The following IQGAP2 variants were observed in gnomAD, a reference collection of about 807,000 sequenced individuals.
IQGAP2 encodes ras GTPase-activating-like protein IQGAP2.
IQGAP2 carries 173 observed loss-of-function variants against 201.3 expected under a neutral mutation model. The observed-to-expected ratio is 0.86, with a 90% CI of 0.76 to 0.98. The LOEUF (loss-of-function observed/expected upper bound fraction) is 0.98, where lower values mean the gene tolerates loss of function less well. Among genes scored for constraint, IQGAP2 ranks in the 50% least tolerant of loss-of-function variants. The pLI, the probability that IQGAP2 is intolerant of heterozygous loss-of-function variation, is 0.00. For missense variants in IQGAP2, 1,687 were observed against 1,864.8 expected, an observed-to-expected ratio of 0.90 and a Z score of 1.76; for synonymous variants, 675 against 673.9, an observed-to-expected ratio of 1.00 and a Z score of -0.03.
At chr5:76,446,124 A>C (rs890886004) in intron 1 of IQGAP2, among the ~76,000 whole-genome samples, 2 of 152,048 alleles carry the variant, frequency 1.3e-5, no homozygotes, top group African/African-American at 4.8e-5. Context: ...CCTTTTGGCT[A>C]TTGTGAATAG....
In IQGAP2 at chr5:76,659,199, G is replaced by T. The variant is rs534434309; in HGVS notation, c.2529+532G>T. ...CCGCCCATTTATAACATTTTGTAAG[G>T]CTTCTTTATCATTCTGAAATGAAAT... On this transcript the variant is annotated intron_variant, in intron 21 of 35. Transcript: ENST00000274364. Among the ~76,000 whole-genome samples the T allele has an allele frequency of 2.0e-5, 3 of 152,188 alleles. No homozygotes were observed. In the East Asian group the frequency reaches 5.8e-4, roughly 29 times the overall value.
intron 1 of IQGAP2, among the ~76,000 whole-genome samples, chr5:76,445,744 G>A (rs966920391): frequency 6.6e-6 from 1 of 152,206 alleles, no homozygotes; most frequent in Non-Finnish European, 1.5e-5. Flanking sequence ...GATTACAGAT[G>A]TGAGCCGCCA....
chr5:76,471,327 C>T (rs1755080048), intron 2 of IQGAP2, among the ~76,000 whole-genome samples: 1 of 135,720 alleles, frequency 7.4e-6, no homozygotes, highest in Non-Finnish European at 1.5e-5. Context: ...TTTTGCTGTG[C>T]TTCCTTTTTC....
intron 13 of IQGAP2, among the ~76,000 whole-genome samples, chr5:76,626,270 C>CTTTTTTTTTTTTTTTTTTTTTTTTTTTTT (rs34251090): frequency 4.8e-5 from 4 of 83,654 alleles, no homozygotes; most frequent in Non-Finnish European, 6.3e-5. Flanking sequence ...TTCTTCTTTT[C>CTTTTTTTTTTTTTTTTTTTTTTTTTTTTT]TTTTTTTTTT....
chr5:76,529,520 C>T (rs1285565365), intron 2 of IQGAP2, among the ~76,000 whole-genome samples: 1 of 151,826 alleles, frequency 6.6e-6, no homozygotes, highest in African/African-American at 2.4e-5. Flanking sequence ...CCCAGCTAGT[C>T]AAGAGGCTGA....
chr5:76,526,861 G>T (rs1455304199), intron 2 of IQGAP2, among the ~76,000 whole-genome samples: 2 of 152,194 alleles, frequency 1.3e-5, no homozygotes, highest in Non-Finnish European at 2.9e-5. Flanking sequence ...TGGATACCTT[G>T]ATTTTGTCTG....
At chr5:76,585,246 T>C (rs1746160048) in intron 5 of IQGAP2, among the ~76,000 whole-genome samples, 1 of 152,176 alleles carries the variant, frequency 6.6e-6, no homozygotes, top group African/African-American at 2.4e-5. Flanking sequence ...TTAGTATAGG[T>C]AATATATATT....
intron 15 of IQGAP2, among the ~76,000 whole-genome samples, chr5:76,633,676 A>G (rs1437217033): frequency 6.6e-6 from 1 of 152,146 alleles, no homozygotes; most frequent in Non-Finnish European, 1.5e-5. Flanking sequence ...AAAACCCAAT[A>G]CTTATTAGCA....
At chr5:76,497,093 G>A (rs923682476) in intron 2 of IQGAP2, among the ~76,000 whole-genome samples, 33 of 152,142 alleles carry the variant, frequency 2.2e-4, no homozygotes, top group African/African-American at 7.5e-4. Flanking sequence ...CTCTCAAAGT[G>A]CTGGGATTAC....
In IQGAP2 at chr5:76,671,915, C is replaced by G; in HGVS notation, c.3000C>G (p.Ile1000Met). 6.2e-7 allele frequency: 1 copy of G among 1,614,062 alleles called. No homozygotes were observed. The highest frequency in any genetic ancestry group is 8.5e-7 in the Non-Finnish European group (1 of 1,180,004). ...TCATCGACGACAAGTCGCTGATTAT[C>G]AACACAAACCCTGTAGAGGTGTACA... ...KEIIDDKSLI[I>M]NTNPVEVYKA... The change falls in exon 24 of 36, where the codon ATC becomes ATG. Residue 1000 changes from isoleucine (I) to methionine (M), a missense_variant. Ile to Met is a conservative substitution (Grantham distance 10). Transcript: ENST00000274364.
intron 2 of IQGAP2, among the ~76,000 whole-genome samples, chr5:76,472,599 G>A (rs1399284667): frequency 6.6e-6 from 1 of 152,202 alleles, no homozygotes; most frequent in Non-Finnish European, 1.5e-5. Context: ...TGTCTGCCAA[G>A]CCTAGGCTTG....
chr5:76,562,587 A>G, intron 3 of IQGAP2, 35 bp downstream of exon 3: 1 of 1,583,960 alleles, frequency 6.3e-7, no homozygotes, highest in Non-Finnish European at 8.6e-7. Context: ...GCTTCCAGCT[A>G]AAAGTGAAAG....
At chr5:76,537,237 C>G (rs980689790) in intron 2 of IQGAP2, among the ~76,000 whole-genome samples, 1 of 152,152 alleles carries the variant, frequency 6.6e-6, no homozygotes, top group Non-Finnish European at 1.5e-5. Flanking sequence ...TAAGATAAGT[C>G]TCCTGGTTTA....
At chr5:76,495,083 A>T (rs1342845544) in intron 2 of IQGAP2, among the ~76,000 whole-genome samples, 2 of 152,258 alleles carry the variant, frequency 1.3e-5, no homozygotes, top group Non-Finnish European at 2.9e-5. Context: ...CATAAATTTT[A>T]AAAACCCTAT....
At chr5:76,552,849 C>T (rs1320916494) in intron 2 of IQGAP2, among the ~76,000 whole-genome samples, 2 of 152,168 alleles carry the variant, frequency 1.3e-5, no homozygotes, top group Non-Finnish European at 2.9e-5. Context: ...CATAAGTCCT[C>T]TGCAGTCTGT....
intron 2 of IQGAP2, among the ~76,000 whole-genome samples, chr5:76,483,298 G>A (rs966425343): frequency 6.6e-6 from 1 of 152,144 alleles, no homozygotes; most frequent in Non-Finnish European, 1.5e-5. Context: ...CCAGATACAG[G>A]CCCCTCTGTT....
intron 8 of IQGAP2, 116 bp downstream of exon 8, chr5:76,590,702 C>A: frequency 1.3e-6 from 1 of 750,012 alleles, no homozygotes; most frequent in Non-Finnish European, 2.1e-6. Flanking sequence ...TCTCTATAGC[C>A]GTAGACAATT....
intron 2 of IQGAP2, among the ~76,000 whole-genome samples, chr5:76,493,912 G>A (rs1756720559): frequency 6.6e-6 from 1 of 152,162 alleles, no homozygotes; most frequent in African/African-American, 2.4e-5. Flanking sequence ...GTATCCTCGG[G>A]GAATTGGCTC....
intron 3 of IQGAP2, 59 bp downstream of exon 3, chr5:76,562,611 A>G (rs548811082): frequency 7.0e-7 from 1 of 1,437,818 alleles, no homozygotes; most frequent in East Asian, 2.3e-5. Flanking sequence ...GGTATTTCAT[A>G]TCCTCTCCCT....
Sources: gnomAD v4.1 joint callset for allele counts (sites outside exome capture counted in the v4.1 genomes callset) on GRCh38, gnomAD v4.1.1 for gene constraint, MANE v1.5 for transcripts, NCBI Gene and HGNC (gene_info 2026-07-23, HGNC 2026-07-21) for gene names.